The following KCNQ1 variants were observed in gnomAD, a reference collection of about 807,000 sequenced individuals.
KCNQ1 encodes the protein potassium voltage-gated channel subfamily Q member 1.
KCNQ1 carries 49 observed loss-of-function variants against 72.4 expected under a neutral mutation model. That is an observed-to-expected ratio of 0.68 (90% confidence interval 0.54 to 0.86). The LOEUF (loss-of-function observed/expected upper bound fraction) is 0.86. Ranked by LOEUF, KCNQ1 falls within the 40% of genes least tolerant of loss-of-function variation. KCNQ1 has a pLI of 0.00. For missense variants in KCNQ1, 790 were observed against 945.1 expected, an observed-to-expected ratio of 0.84 and a Z score of 2.15; for synonymous variants, 450 against 412.6, an observed-to-expected ratio of 1.09 and a Z score of -1.10.
intron 10 of KCNQ1, chr11:2,618,456 G>A (rs187603549): frequency 2.3e-5 from 9 of 398,578 alleles, no homozygotes; most frequent in Admixed American, 1.3e-4. Context: ...TTATGAGAGA[G>A]ACTATCTTTC....
Position 2,451,642 on chromosome 11 carries a change from G to A in KCNQ1, c.386+6158G>A, listed in dbSNP as rs1846120500. Among the ~76,000 whole-genome samples, 1 of 152,268 alleles carries A rather than the reference G, an allele frequency of 6.6e-6. No individual in the cohort carries two copies. The highest frequency in any genetic ancestry group is 1.9e-4 in the East Asian group (1 of 5,168). On this transcript the variant is annotated intron_variant, in intron 1 of 15. Coordinates refer to ENST00000155840, the MANE Select transcript of KCNQ1 (RefSeq NM_000218.3). The surrounding 1 kb of genome is among the most constrained non-coding windows in gnomAD (Gnocchi z 6.4). Reference sequence around the variant, plus strand: ...AGGATGAGCCGCCTGGAGTCTGTTGGCATCTGCCTGGCCGCCTCTGGCAGG... The same window carrying A: ...AGGATGAGCCGCCTGGAGTCTGTTGACATCTGCCTGGCCGCCTCTGGCAGG...
At chr11:2,449,292 T>TG (rs574013986) in intron 1 of KCNQ1, among the ~76,000 whole-genome samples, 1 of 152,210 alleles carries the variant, frequency 6.6e-6, no homozygotes, top group South Asian at 2.1e-4. Flanking sequence ...CCTACAACCC[T>TG]GGGGTACTGG....
At position 2,674,832 on chromosome 11, in the gene KCNQ1, TAAAA is replaced by T. The variant is rs34219164; in HGVS notation, c.1514+12776_1514+12779del. On this transcript the variant is annotated intron_variant, in intron 11 of 15. Coordinates refer to ENST00000155840, the MANE Select transcript of KCNQ1 (RefSeq NM_000218.3). This position sits in a 1 kb window ranked among gnomAD's most constrained non-coding sequence, Gnocchi z 5.9. ...GCTTGTCACCCTAATAGCTGTTTTT[TAAAA>T]AAAAAAAAAAAAAAAAAAAAAAAAG... 3.9e-3 allele frequency: 1,184 copies of T among 300,368 alleles called. No individual in the cohort carries two copies. The highest frequency in any genetic ancestry group is 4.7e-3 in the Middle Eastern group (6 of 1,274). 18.6% of individuals were successfully genotyped at this position (300,368 alleles called of 1,614,324 possible). A position where few individuals can be genotyped will look rare whatever the true frequency, so the allele number is the denominator to read the frequency against.
rs1849906624 is a variant in KCNQ1, at chr11:2,659,223, AC to A, written c.1394-2734del. The A allele has an allele frequency of 2.5e-6, 1 of 398,414 alleles. No homozygotes were observed. The highest frequency in any genetic ancestry group is 4.4e-5 in the Admixed American group (1 of 22,714). The allele number at this position is 398,414 out of a possible 1,614,324, so 24.7% of individuals were successfully genotyped here. A position where few individuals can be genotyped will look rare whatever the true frequency, so the allele number is the denominator to read the frequency against. On this transcript the variant is annotated intron_variant, in intron 10 of 15. Coordinates refer to ENST00000155840, the MANE Select transcript of KCNQ1 (RefSeq NM_000218.3). The surrounding 1 kb of genome is among the most constrained non-coding windows in gnomAD (Gnocchi z 4.3). ...CCAGTATCATTCACAGAAGTTCCAT[AC>A]CCCTAAAAATACCCTGGGGTGAGTC...
chr11:2,447,537 T>C lies in KCNQ1; in HGVS notation c.386+2053T>C, dbSNP rs1386595909. Reference sequence around the variant, plus strand: ...CTGGGAGATGCGCTCCCACCCTCAGTGCCCTAGGAGGTTGGCAGGACCAGT... The same window carrying C: ...CTGGGAGATGCGCTCCCACCCTCAGCGCCCTAGGAGGTTGGCAGGACCAGT... On this transcript the variant is annotated intron_variant, in intron 1 of 15. Transcript: ENST00000155840. This position sits in a 1 kb window ranked among gnomAD's most constrained non-coding sequence, Gnocchi z 7.6. 6.6e-6 allele frequency among the ~76,000 whole-genome samples: 1 copy of C among 152,052 alleles called. No homozygotes were observed. Among genetic ancestry groups the C allele is most frequent in the African/African-American group, 2.4e-5 (1 of 41,392 alleles).
chr11:2,445,492 T>C lies in KCNQ1; in HGVS notation c.386+8T>C. The C allele has an allele frequency of 6.3e-7, 1 of 1,592,794 alleles. No homozygotes were observed. Among genetic ancestry groups the C allele is most frequent in the African/African-American group, 1.3e-5 (1 of 75,012 alleles). ...CGTTTACCACTTCGCCGTGTGAGTA[T>C]CGCCACCGGCGACGGCCGGCACGAA... is the stretch of plus-strand genomic sequence containing the variant. On this transcript the variant is annotated splice_region_variant and intron_variant, in intron 1 of 15. Transcript: ENST00000155840.
At position 2,781,006 on chromosome 11, in the gene KCNQ1, G is replaced by A. The variant is rs975549342; in HGVS notation, c.1794+2969G>A. Reference sequence around the variant, plus strand: ...GTTCTGCCTCACTCCAGGGTGTGGAGAGCAGAAACCCACCCACACCCGCAG... The same window carrying A: ...GTTCTGCCTCACTCCAGGGTGTGGAAAGCAGAAACCCACCCACACCCGCAG... On this transcript the variant is annotated intron_variant, in intron 15 of 15. Coordinates refer to ENST00000155840, the MANE Select transcript of KCNQ1 (RefSeq NM_000218.3). The surrounding 1 kb of genome is among the most constrained non-coding windows in gnomAD (Gnocchi z 6.6). Among the ~76,000 whole-genome samples the A allele has an allele frequency of 6.6e-6, 1 of 152,098 alleles. No individual in the cohort carries two copies. The highest frequency in any genetic ancestry group is 2.4e-5 in the African/African-American group (1 of 41,408).
chr11:2,606,373 G>A (rs1354017235), intron 10 of KCNQ1, among the ~76,000 whole-genome samples: 2 of 152,118 alleles, frequency 1.3e-5, no homozygotes, highest in Non-Finnish European at 2.9e-5. Flanking sequence ...GGTCTGGTGG[G>A]GGGTGTCTGG....
chr11:2,802,787 C>T (rs1402445935), intron 15 of KCNQ1, among the ~76,000 whole-genome samples: 2 of 152,284 alleles, frequency 1.3e-5, no homozygotes, highest in East Asian at 3.9e-4. Context: ...CTGCATGCTC[C>T]CAGCCCTTCA....
intron 15 of KCNQ1, among the ~76,000 whole-genome samples, chr11:2,836,736 C>T (rs755032773): frequency 1.3e-5 from 2 of 152,224 alleles, no homozygotes; most frequent in South Asian, 2.1e-4. Context: ...CATCACGCCT[C>T]GCCTCACTCG....
At chr11:2,571,620 G>A (rs1257558185) in intron 4 of KCNQ1, among the ~76,000 whole-genome samples, 5 of 152,176 alleles carry the variant, frequency 3.3e-5, no homozygotes, top group Non-Finnish European at 7.4e-5. Flanking sequence ...GCCTCAGGCA[G>A]CCCTAGGCTC....
intron 11 of KCNQ1, among the ~76,000 whole-genome samples, chr11:2,754,946 G>A (rs533983813): frequency 2.4e-4 from 37 of 152,278 alleles, no homozygotes; most frequent in African/African-American, 8.7e-4. Flanking sequence ...TTCTGGCACT[G>A]GTTTAACAGG....
intron 1 of KCNQ1, among the ~76,000 whole-genome samples, chr11:2,527,110 C>T (rs1426789341): frequency 1.3e-5 from 2 of 152,170 alleles, no homozygotes; most frequent in South Asian, 2.1e-4. Flanking sequence ...GAAGGCGGCC[C>T]GTCTTTTCTC....
rs1850253550 is a variant in KCNQ1, at chr11:2,674,429, A to C, written c.1514+12348A>C. 1.3e-5 allele frequency: 5 copies of C among 398,452 alleles called. No individual in the cohort carries two copies. The highest frequency in any genetic ancestry group is 2.2e-5 in the Non-Finnish European group (5 of 226,052). 24.7% of individuals were successfully genotyped at this position (398,452 alleles called of 1,614,324 possible). ...TGTGCGCGCCCGCGCGCACACGACCACAGAGGCTGGGGGGAGGCACGTGGG... is the reference window on the plus strand; with the variant it reads ...TGTGCGCGCCCGCGCGCACACGACCCCAGAGGCTGGGGGGAGGCACGTGGG... On this transcript the variant is annotated intron_variant, in intron 11 of 15. Transcript: ENST00000155840. This position sits in a 1 kb window ranked among gnomAD's most constrained non-coding sequence, Gnocchi z 5.9.
intron 11 of KCNQ1, chr11:2,681,405 A>G: frequency 2.5e-6 from 1 of 398,492 alleles, no homozygotes; most frequent in South Asian, 1.3e-4. Context: ...ACTAAAGGCA[A>G]AGAATGGGGA....
At chr11:2,582,457 T>A (rs1354311118) in intron 6 of KCNQ1, among the ~76,000 whole-genome samples, 1 of 151,870 alleles carries the variant, frequency 6.6e-6, no homozygotes, top group Non-Finnish European at 1.5e-5. Flanking sequence ...CCAGTGGGGG[T>A]CTCCATGTGG....
At position 2,676,482 on chromosome 11, in the gene KCNQ1, GCAT is replaced by G. The variant is rs1850296882; in HGVS notation, c.1514+14404_1514+14406del. ...CAGATTGTTAGCTGTAGTCTTTCTG[GCAT>G]CAGTTCCATTTCTGGTGAACACTTG... On this transcript the variant is annotated intron_variant, in intron 11 of 15. Transcript: ENST00000155840. The surrounding 1 kb of genome is among the most constrained non-coding windows in gnomAD (Gnocchi z 4.2). The G allele has an allele frequency of 5.0e-6, 2 of 398,530 alleles. No individual in the cohort carries two copies. The highest frequency in any genetic ancestry group is 8.8e-5 in the Admixed American group (2 of 22,706). 24.7% of individuals were successfully genotyped at this position (398,530 alleles called of 1,614,324 possible).
rs759831082 is a variant in KCNQ1 at position 2,750,865 on chromosome 11, T to C, written c.1515-17979T>C. 6.6e-6 allele frequency among the ~76,000 whole-genome samples: 1 copy of C among 152,170 alleles called. No individual in the cohort carries two copies. The highest frequency in any genetic ancestry group is 1.5e-5 in the Non-Finnish European group (1 of 68,020). The stretch of plus-strand genomic sequence containing the variant: ...ATTAACTTAATGAGGGCTGACAGCC[T>C]GCGACAAACGTCCTCATAATCTCCC... On this transcript the variant is annotated intron_variant, in intron 11 of 15. Transcript: ENST00000155840. This position sits in a 1 kb window ranked among gnomAD's most constrained non-coding sequence, Gnocchi z 6.3.
intron 11 of KCNQ1, among the ~76,000 whole-genome samples, chr11:2,719,365 G>A (rs906706282): frequency 6.6e-6 from 1 of 151,472 alleles, no homozygotes. Flanking sequence ...ACAAGGTGGT[G>A]CGTGCCTGTG....
Sources: allele counts gnomAD v4.1 joint callset (sites outside exome capture counted in the v4.1 genomes callset), GRCh38; gene constraint gnomAD v4.1.1; non-coding constraint Gnocchi (gnomAD v3.1); transcripts MANE v1.5; gene names NCBI Gene and HGNC (gene_info 2026-07-23, HGNC 2026-07-21).